The following NAV2 variants were observed in gnomAD, a reference collection of about 807,000 sequenced individuals.
The protein encoded by NAV2 is helicase, APC down-regulated 1.
Under a neutral mutation model 223.2 loss-of-function variants are expected in NAV2, and 54 were observed. The ratio of observed to expected loss-of-function variants is 0.24; its 90% CI spans 0.19 to 0.30. NAV2 has a LOEUF of 0.30. NAV2 is among the 10% of genes least tolerant of loss of function. NAV2 has a pLI of 1.00. For synonymous variants in NAV2, 1,279 were observed against 1,239.3 expected (o/e 1.03, Z -0.67); for missense variants, 2,806 against 3,147.5 (o/e 0.89, Z 2.60).
intron 1 of NAV2, among the ~76,000 whole-genome samples, chr11:19,520,612 T>A (rs1049828646): frequency 2.0e-5 from 3 of 152,146 alleles, no homozygotes; most frequent in Admixed American, 2.0e-4. Context: ...TCCTTTCCCA[T>A]CCTCTAGGGC....
In NAV2 at chr11:19,417,970, G is replaced by A. The variant is rs185927710; in HGVS notation, c.75+66943G>A. 7.4e-4 allele frequency among the ~76,000 whole-genome samples: 113 copies of A among 152,204 alleles called. 1 individual carries two copies. The highest frequency in any genetic ancestry group is 2.7e-3 in the African/African-American group (112 of 41,520). On this transcript the variant is annotated intron_variant, in intron 1 of 37. Transcript: ENST00000360655. ...AATATCACACACTGGGGCCTGTCAG[G>A]GGATGGGCGTCTAGGGGAGGGATAG...
intron 1 of NAV2, among the ~76,000 whole-genome samples, chr11:19,563,258 C>G (rs1162390110): frequency 1.3e-5 from 2 of 152,210 alleles, no homozygotes; most frequent in Non-Finnish European, 2.9e-5. Flanking sequence ...ACAACACCTT[C>G]CCTACCAGCT....
chr11:19,574,603 A>G (rs1178792159), intron 1 of NAV2, among the ~76,000 whole-genome samples: 1 of 151,854 alleles, frequency 6.6e-6, no homozygotes, highest in African/African-American at 2.4e-5. Context: ...TTCCTTCTTT[A>G]CTTCCTTCCT....
At chr11:19,990,290 T>C (rs577917134) in intron 11 of NAV2, among the ~76,000 whole-genome samples, 2 of 152,176 alleles carry the variant, frequency 1.3e-5, no homozygotes, top group Non-Finnish European at 2.9e-5. Context: ...GAGCCTGCAA[T>C]GTCAAGATCA....
intron 1 of NAV2, among the ~76,000 whole-genome samples, chr11:19,564,206 C>T (rs938608064): frequency 1.3e-5 from 2 of 152,146 alleles, no homozygotes; most frequent in African/African-American, 2.4e-5. Flanking sequence ...CAGGGGGAAG[C>T]ATAAACACAT....
intron 1 of NAV2, among the ~76,000 whole-genome samples, chr11:19,379,890 A>G (rs1475620043): frequency 6.6e-6 from 1 of 152,196 alleles, no homozygotes; most frequent in Non-Finnish European, 1.5e-5. Context: ...ATAATTTAAC[A>G]GGCTCTTCCA....
At chr11:20,022,493 C>T (rs1413098786) in intron 11 of NAV2, 17 of 953,264 alleles carry the variant, frequency 1.8e-5, no homozygotes, top group South Asian at 4.8e-5. Flanking sequence ...GTATGTGTGT[C>T]GTTGTTAACT....
chr11:19,903,154 G>C (rs1352286050), intron 6 of NAV2, among the ~76,000 whole-genome samples: 1 of 152,212 alleles, frequency 6.6e-6, no homozygotes, highest in East Asian at 1.9e-4. Flanking sequence ...TAGGGTACCA[G>C]TGTGTAGCCC....
At chr11:20,036,286 C>T (rs1160173678) in intron 12 of NAV2, among the ~76,000 whole-genome samples, 189 bp downstream of exon 12, 2 of 152,214 alleles carry the variant, frequency 1.3e-5, no homozygotes, top group South Asian at 2.1e-4. Context: ...GGTCAGGCAG[C>T]GGATGGTGGA....
intron 10 of NAV2, among the ~76,000 whole-genome samples, chr11:19,962,267 T>C (rs2048404466): frequency 6.6e-6 from 1 of 151,872 alleles, no homozygotes; most frequent in African/African-American, 2.4e-5. Flanking sequence ...GAGACCCACC[T>C]ACATTATGGA....
intron 1 of NAV2, among the ~76,000 whole-genome samples, chr11:19,729,625 A>G (rs1046131992): frequency 2.6e-5 from 4 of 152,168 alleles, no homozygotes; most frequent in Non-Finnish European, 5.9e-5. Context: ...CTGGAAGTAT[A>G]AAGTAGATTT....
intron 1 of NAV2, among the ~76,000 whole-genome samples, chr11:19,360,301 C>T (rs184379075): frequency 1.3e-5 from 2 of 152,264 alleles, no homozygotes; most frequent in African/African-American, 4.8e-5. Flanking sequence ...TAGCAAGCAT[C>T]CTGTTAGGTC....
intron 1 of NAV2, among the ~76,000 whole-genome samples, chr11:19,726,619 C>T (rs966563342): frequency 1.3e-5 from 2 of 152,216 alleles, no homozygotes; most frequent in Admixed American, 6.5e-5. Context: ...CCAACAGGCA[C>T]GATTCCACTT....
chr11:19,668,379 A>G (rs2048479963), intron 1 of NAV2, among the ~76,000 whole-genome samples: 1 of 151,976 alleles, frequency 6.6e-6, no homozygotes. Flanking sequence ...CTAAAAATAC[A>G]AAAATCAGCC....
chr11:19,867,956 G>A (rs190285588), intron 3 of NAV2, among the ~76,000 whole-genome samples: 2 of 152,302 alleles, frequency 1.3e-5, no homozygotes, highest in Non-Finnish European at 2.9e-5. Context: ...AAATTGCTTG[G>A]AGTTGAAGAA....
chr11:19,628,880 TGA>T (rs1421127032), intron 1 of NAV2, among the ~76,000 whole-genome samples: 3 of 152,192 alleles, frequency 2.0e-5, no homozygotes, highest in Non-Finnish European at 4.4e-5. Flanking sequence ...CCAGCTACTC[TGA>T]GAGGCGCTCC....
chr11:19,793,959 A>G (rs1387820009), intron 1 of NAV2, among the ~76,000 whole-genome samples: 1 of 152,172 alleles, frequency 6.6e-6, no homozygotes, highest in Non-Finnish European at 1.5e-5. Context: ...TGTCCACTTC[A>G]GTCCCTACCT....
intron 1 of NAV2, among the ~76,000 whole-genome samples, chr11:19,814,740 C>G (rs76486396): frequency 2.0e-4 from 30 of 152,120 alleles, no homozygotes; most frequent in Non-Finnish European, 4.0e-4. Context: ...AGCTGGGACT[C>G]CAGACTTGAG....
chr11:19,940,911 T>G (rs2046346258), intron 8 of NAV2, among the ~76,000 whole-genome samples: 1 of 152,190 alleles, frequency 6.6e-6, no homozygotes, highest in African/African-American at 2.4e-5. Context: ...AGTACATGGA[T>G]AGCACGGGAA....
Sources: gnomAD v4.1 joint callset for allele counts (sites outside exome capture counted in the v4.1 genomes callset) on GRCh38, gnomAD v4.1.1 for gene constraint, MANE v1.5 for transcripts, NCBI Gene and HGNC (gene_info 2026-07-23, HGNC 2026-07-21) for gene names.